ZNF407: variants seen among roughly 807,000 people sequenced by gnomAD.
The protein encoded by ZNF407 is zinc finger protein 407.
In ZNF407, 17 loss-of-function variants were observed where a neutral mutation model predicts 131.2. The ratio of observed to expected loss-of-function variants is 0.13; its 90% CI spans 0.09 to 0.19. ZNF407 has a LOEUF of 0.19. Among genes scored for constraint, ZNF407 ranks in the 10% least tolerant of loss-of-function variants. The probability of loss-of-function intolerance (pLI) is 1.00; values close to 1 mark genes in which losing one functional copy is unlikely to be tolerated. For missense variants in ZNF407, 2,681 were observed against 2,830.6 expected, an observed-to-expected ratio of 0.95 and a Z score of 1.20; for synonymous variants, 1,156 against 1,062.0, an observed-to-expected ratio of 1.09 and a Z score of -1.72.
At chr18:74,611,254 G>A (rs780567004) in intron 1 of ZNF407, among the ~76,000 whole-genome samples, 1 of 152,214 alleles carries the variant, frequency 6.6e-6, no homozygotes, top group Non-Finnish European at 1.5e-5. Flanking sequence ...CACAGAGGGT[G>A]CAGACCATAA....
chr18:74,618,776 CTTA>C (rs1983412724), intron 1 of ZNF407, among the ~76,000 whole-genome samples: 1 of 152,046 alleles, frequency 6.6e-6, no homozygotes, highest in Non-Finnish European at 1.5e-5. Flanking sequence ...AACTATTAAC[CTTA>C]TTATACAAAT....
At chr18:74,994,482 A>C (rs1484117191) in intron 8 of ZNF407, among the ~76,000 whole-genome samples, 1 of 152,242 alleles carries the variant, frequency 6.6e-6, no homozygotes, top group African/African-American at 2.4e-5. Flanking sequence ...GAAGTGATGA[A>C]AATGAACATT....
At chr18:74,711,066 GA>G (rs1967749824) in intron 3 of ZNF407, among the ~76,000 whole-genome samples, 4 of 150,108 alleles carry the variant, frequency 2.7e-5, no homozygotes, top group African/African-American at 9.7e-5. Flanking sequence ...ATTCTCCATG[GA>G]TGCTATTATC....
At position 74,631,615 on chromosome 18, in the gene ZNF407, C is replaced by G. The variant is rs928579046; in HGVS notation, c.596C>G (p.Ser199Cys). ...SICGHLFSSC[S>C]DLEKHAESHM... ...TGTGGGCATTTGTTTTCTTCTTGCTCTGACTTGGAAAAACATGCTGAGTCT... is the reference window on the plus strand; with the variant it reads ...TGTGGGCATTTGTTTTCTTCTTGCTGTGACTTGGAAAAACATGCTGAGTCT... Residue 199 changes from serine (S) to cysteine (C), a missense_variant, in exon 2 of 9, where the codon TCT becomes TGT. Around this residue, in one of 6 missense-constraint regions of ZNF407, gnomAD observed 1,789 missense variants for 1,748.7 expected, o/e 1.02. Transcript: ENST00000299687. The G allele has an allele frequency of 1.4e-5, 23 of 1,613,888 alleles. No homozygotes were observed. Among genetic ancestry groups the G allele is most frequent in the Non-Finnish European group, 1.8e-5 (21 of 1,179,904 alleles).
At position 74,780,180 on chromosome 18, in the gene ZNF407, T is replaced by C. The variant is rs956595469; in HGVS notation, c.4803-1248T>C. 3.9e-4 allele frequency among the ~76,000 whole-genome samples: 60 copies of C among 152,330 alleles called. 1 individual carries two copies. Among genetic ancestry groups the C allele is most frequent in the African/African-American group, 1.4e-3 (58 of 41,574 alleles). On this transcript the variant is annotated intron_variant, in intron 3 of 8. Coordinates refer to ENST00000299687, the MANE Select transcript of ZNF407 (RefSeq NM_017757.3). ...TAAGTAGAATGATTGTTATTTTCAG[T>C]GTATGTAAGTGCATTATTTGAATAA...
At chr18:74,916,112 G>A (rs1257207193) in intron 7 of ZNF407, among the ~76,000 whole-genome samples, 1 of 8,106 alleles carries the variant, frequency 1.2e-4, no homozygotes, top group African/African-American at 6.3e-4. Context: ...GCATTGGTTC[G>A]AATCGGGAGT....
chr18:74,632,600 G>A lies in ZNF407; in HGVS notation c.1581G>A (p.Leu527=), dbSNP rs1416262477. The part of the protein sequence containing the change: ...TVKPASGSQT[L]CACTDCGQVA... The stretch of plus-strand genomic sequence containing the variant: ...AGCCAGCTTCTGGCTCTCAGACGTT[G>A]TGTGCTTGTACAGACTGTGGGCAAG... The change falls in exon 2 of 9, where the codon TTG becomes TTA. Residue 527 remains leucine, a synonymous_variant. Coordinates refer to ENST00000299687, the MANE Select transcript of ZNF407 (RefSeq NM_017757.3). 2 of 1,614,052 alleles carry A rather than the reference G, an allele frequency of 1.2e-6. No individual in the cohort carries two copies. Among genetic ancestry groups the A allele is most frequent in the East Asian group, 2.2e-5 (1 of 44,876 alleles).
chr18:74,937,442 T>A (rs1972051289), intron 8 of ZNF407, among the ~76,000 whole-genome samples: 1 of 152,208 alleles, frequency 6.6e-6, no homozygotes, highest in African/African-American at 2.4e-5. Flanking sequence ...GCCTGTGGTT[T>A]CTGTATAACC....
chr18:74,739,702 A>G (rs1403941633), intron 3 of ZNF407, among the ~76,000 whole-genome samples: 1 of 152,112 alleles, frequency 6.6e-6, no homozygotes, highest in Non-Finnish European at 1.5e-5. Flanking sequence ...TAATTATAAG[A>G]CTTTATAATA....
At chr18:74,792,200 ACATT>A (rs1445617869) in intron 4 of ZNF407, among the ~76,000 whole-genome samples, 61 of 152,256 alleles carry the variant, frequency 4.0e-4, no homozygotes, top group Admixed American at 3.9e-3. Flanking sequence ...TTTTAAAAAA[ACATT>A]CAAGAGCTTT....
intron 5 of ZNF407, among the ~76,000 whole-genome samples, chr18:74,879,354 G>A (rs1162211945): frequency 6.6e-6 from 1 of 152,070 alleles, no homozygotes; most frequent in East Asian, 1.9e-4. Context: ...ACCACCAGAT[G>A]TGTGTGTGGT....
chr18:74,630,549 C>G (rs1209321791), intron 1 of ZNF407, among the ~76,000 whole-genome samples: 1 of 152,236 alleles, frequency 6.6e-6, no homozygotes, highest in African/African-American at 2.4e-5. Flanking sequence ...GAAGGCCTCA[C>G]TTCTAGACTT....
intron 4 of ZNF407, among the ~76,000 whole-genome samples, chr18:74,834,000 G>A (rs1970521698): frequency 6.6e-6 from 1 of 152,208 alleles, no homozygotes; most frequent in Non-Finnish European, 1.5e-5. Context: ...ACATGGATCA[G>A]AACTTTTAAT....
chr18:74,761,381 C>T (rs1270042109), intron 3 of ZNF407, among the ~76,000 whole-genome samples: 1 of 151,956 alleles, frequency 6.6e-6, no homozygotes, highest in Non-Finnish European at 1.5e-5. Context: ...TTTAGGTATA[C>T]CATGAGATTT....
rs572718235 is a variant in ZNF407, at chr18:74,873,343, A to G, written c.4878-3854A>G. On this transcript the variant is annotated intron_variant, in intron 4 of 8. Transcript: ENST00000299687. Reference sequence around the variant, plus strand: ...TTTTGACTCTGTTATCAATCATATAATGAGAGAATTTCAGAGAAGGAATAC... The same window carrying G: ...TTTTGACTCTGTTATCAATCATATAGTGAGAGAATTTCAGAGAAGGAATAC... Among the ~76,000 whole-genome samples, 7 of 152,306 alleles carry G rather than the reference A, an allele frequency of 4.6e-5. No homozygotes were observed. The South Asian group carries it at 1.2e-3, about 27-fold the overall frequency.
intron 3 of ZNF407, among the ~76,000 whole-genome samples, chr18:74,662,348 A>T (rs1985751486): frequency 6.6e-6 from 1 of 152,208 alleles, no homozygotes; most frequent in African/African-American, 2.4e-5. Flanking sequence ...GTGATTTTGC[A>T]TTTTAATCCC....
chr18:74,804,213 AAT>A, intron 4 of ZNF407: 2 of 1,307,152 alleles, frequency 1.5e-6, no homozygotes, highest in Non-Finnish European at 2.0e-6. Context: ...TCATCACACA[AAT>A]GTAGGCTAGT....
At chr18:74,847,547 A>G (rs1970719103) in intron 4 of ZNF407, among the ~76,000 whole-genome samples, 1 of 152,130 alleles carries the variant, frequency 6.6e-6, no homozygotes, top group Non-Finnish European at 1.5e-5. Context: ...CTATTTTTTA[A>G]TTTCTTTTTT....
At chr18:74,774,456 T>C (rs1202661950) in intron 3 of ZNF407, among the ~76,000 whole-genome samples, 1 of 152,192 alleles carries the variant, frequency 6.6e-6, no homozygotes, top group African/African-American at 2.4e-5. Flanking sequence ...ATTTCGAGAT[T>C]ACTACCTTAA....
Sources: allele counts gnomAD v4.1 joint callset (sites outside exome capture counted in the v4.1 genomes callset), GRCh38; gene constraint gnomAD v4.1.1; regional missense constraint gnomAD v4.1.1; transcripts MANE v1.5; gene names NCBI Gene and HGNC (gene_info 2026-07-23, HGNC 2026-07-21).